Variants in RALGPS1 observed in about 807,000 individuals in gnomAD.
The protein encoded by RALGPS1 is Ral GEF with PH domain and SH3 binding motif 1, also known as ras-specific guanine nucleotide-releasing factor RalGPS1.
Under a neutral mutation model 78.8 loss-of-function variants are expected in RALGPS1, and 19 were observed. The observed-to-expected ratio is 0.24, with a 90% CI of 0.17 to 0.35. The LOEUF is 0.35. RALGPS1 is among the 10% of genes least tolerant of loss of function. The pLI is 1.00. For missense variants in RALGPS1, 454 were observed against 688.3 expected (o/e 0.66, Z 3.81); for synonymous variants, 228 against 256.3 (o/e 0.89, Z 1.06).
chr9:127,185,372 T>A (rs1402546385), intron 11 of RALGPS1, among the ~76,000 whole-genome samples: 1 of 152,232 alleles, frequency 6.6e-6, no homozygotes, highest in African/African-American at 2.4e-5. Context: ...CTGGAGCTCT[T>A]GCACCCACCT....
intron 1 of RALGPS1, among the ~76,000 whole-genome samples, chr9:126,961,265 G>A (rs1322223940): frequency 1.3e-5 from 2 of 152,248 alleles, no homozygotes; most frequent in East Asian, 1.9e-4. Flanking sequence ...TGGCAGGGTG[G>A]CATGAACAAA....
At chr9:127,030,669 C>T (rs552112505) in intron 4 of RALGPS1, among the ~76,000 whole-genome samples, 5 of 151,498 alleles carry the variant, frequency 3.3e-5, no homozygotes, top group African/African-American at 1.2e-4. Context: ...ATGGGAGAAG[C>T]TTAATGCATG....
chr9:127,132,218 G>A (rs1338444510), intron 8 of RALGPS1, among the ~76,000 whole-genome samples: 2 of 152,150 alleles, frequency 1.3e-5, no homozygotes, highest in African/African-American at 4.8e-5. Context: ...GGAAAATGTA[G>A]CATTTAAGCC....
Position 127,212,223 on chromosome 9 carries a change from G to T in RALGPS1, c.1340G>T (p.Gly447Val). Residue 447 changes from glycine (G) to valine (V), a missense_variant, in exon 15 of 19, where the codon GGG becomes GTG. Transcript: ENST00000259351. This position sits in a 1 kb window ranked among gnomAD's most constrained non-coding sequence, Gnocchi z 6.0. Reference sequence around the variant, plus strand: ...AGAAGAAAAACCCTGCTCAAGGAAGGGCGGAAGCCTGCGGTAAGTACAGAC... The same window carrying T: ...AGAAGAAAAACCCTGCTCAAGGAAGTGCGGAAGCCTGCGGTAAGTACAGAC... ...PLRRKTLLKEGRKPALSSWTR... is the reference protein window; with the variant it reads ...PLRRKTLLKEVRKPALSSWTR... 1 of 1,613,316 alleles carries T rather than the reference G, an allele frequency of 6.2e-7. No homozygotes were observed. Among genetic ancestry groups the T allele is most frequent in the South Asian group, 1.1e-5 (1 of 91,008 alleles).
chr9:126,984,640 T>C lies in RALGPS1; in HGVS notation c.216+6895T>C, dbSNP rs73668460. ...ACGTCCTGTGTGTTTCAGTCAGTTA[T>C]AGTCACCATTCTTTTTGATATACAA... On this transcript the variant is annotated intron_variant, in intron 4 of 18. Coordinates refer to ENST00000259351, the MANE Select transcript of RALGPS1 (RefSeq NM_014636.3). 9.7e-4 allele frequency among the ~76,000 whole-genome samples: 148 copies of C among 152,366 alleles called. 2 individuals carry two copies. Among genetic ancestry groups the C allele is most frequent in the African/African-American group, 3.5e-3 (146 of 41,588 alleles).
intron 7 of RALGPS1, among the ~76,000 whole-genome samples, chr9:127,063,018 A>G (rs946178987): frequency 1.3e-5 from 2 of 152,238 alleles, no homozygotes; most frequent in African/African-American, 4.8e-5. Flanking sequence ...AGACACTGGA[A>G]TTGAAATGGA....
chr9:127,108,139 G>A lies in RALGPS1; in HGVS notation c.610+38783G>A, dbSNP rs367678181. The A allele has an allele frequency of 1.6e-5, 26 of 1,613,938 alleles. No individual in the cohort carries two copies. In the Admixed American group the frequency reaches 1.7e-4, roughly 10 times the overall value. The stretch of plus-strand genomic sequence containing the variant: ...CCTCTGGCAGTGCTCCTCAAGCTGC[G>A]CGATGATCTCTGATTGGTTGTGGGC... On this transcript the variant is annotated intron_variant, in intron 8 of 18. Coordinates refer to ENST00000259351, the MANE Select transcript of RALGPS1 (RefSeq NM_014636.3).
At chr9:126,916,735 C>T (rs1424527356) in intron 1 of RALGPS1, among the ~76,000 whole-genome samples, 2 of 152,100 alleles carry the variant, frequency 1.3e-5, no homozygotes, top group East Asian at 1.9e-4. Context: ...GAGCCGAGAT[C>T]GTGCCACTGC....
intron 4 of RALGPS1, among the ~76,000 whole-genome samples, chr9:127,012,761 T>C (rs1328350458): frequency 6.6e-6 from 1 of 152,200 alleles, no homozygotes. Flanking sequence ...TTCTTCCAAA[T>C]GATCTTCATG....
chr9:127,141,528 G>A (rs574060033), intron 8 of RALGPS1, among the ~76,000 whole-genome samples: 1 of 150,792 alleles, frequency 6.6e-6, no homozygotes, highest in African/African-American at 2.5e-5. Context: ...CAGGCCAGTG[G>A]GTCCCAGACT....
In RALGPS1 at chr9:127,146,514, G is replaced by A. The variant is rs992463770; in HGVS notation, c.611-19555G>A. ...CCATGTTTTTGCTATTGTGAATAGC[G>A]CAGTGATGAACATGTGAGTGCATGT... On this transcript the variant is annotated intron_variant, in intron 8 of 18. Transcript: ENST00000259351. 2.7e-5 allele frequency among the ~76,000 whole-genome samples: 4 copies of A among 149,892 alleles called. No homozygotes were observed. The East Asian group carries it at 5.8e-4, about 22-fold the overall frequency.
chr9:127,088,900 C>A, intron 8 of RALGPS1: 1 of 1,613,270 alleles, frequency 6.2e-7, no homozygotes, highest in South Asian at 1.1e-5. Flanking sequence ...AGGGTGGGCT[C>A]CTGGCAATGG....
intron 6 of RALGPS1, among the ~76,000 whole-genome samples, chr9:127,051,384 C>A (rs950679074): frequency 3.3e-5 from 5 of 152,170 alleles, no homozygotes; most frequent in African/African-American, 9.7e-5. Flanking sequence ...CTGGGTCTTT[C>A]CTTGTGCAAG....
intron 7 of RALGPS1, among the ~76,000 whole-genome samples, chr9:127,053,449 T>A (rs2048462281): frequency 6.6e-6 from 1 of 152,218 alleles, no homozygotes; most frequent in Admixed American, 6.5e-5. Context: ...ATTGAGTCTG[T>A]AGGAAAGTTT....
intron 14 of RALGPS1, among the ~76,000 whole-genome samples, chr9:127,206,372 G>T (rs1487120738): frequency 1.3e-5 from 2 of 152,228 alleles, no homozygotes; most frequent in African/African-American, 2.4e-5. Context: ...CATGGCTGGA[G>T]AGGCCTCAGG....
intron 1 of RALGPS1, among the ~76,000 whole-genome samples, chr9:126,935,380 A>G (rs958190728): frequency 2.0e-5 from 3 of 152,208 alleles, no homozygotes; most frequent in Non-Finnish European, 4.4e-5. Context: ...GTCTTGAGCT[A>G]ACCAGAGAAT....
intron 1 of RALGPS1, among the ~76,000 whole-genome samples, chr9:126,953,378 T>TGC (rs1405531007): frequency 6.6e-6 from 1 of 151,662 alleles, no homozygotes; most frequent in East Asian, 1.9e-4. Context: ...TGCATGCGTG[T>TGC]GTGTGTGTGT....
At chr9:127,001,072 T>G (rs1424044395) in intron 4 of RALGPS1, among the ~76,000 whole-genome samples, 1 of 149,382 alleles carries the variant, frequency 6.7e-6, no homozygotes, top group Non-Finnish European at 1.5e-5. Context: ...CCTAACATAG[T>G]GAGACTCTGT....
At chr9:127,137,506 A>C (rs2138510436) in intron 8 of RALGPS1, among the ~76,000 whole-genome samples, 1 of 152,344 alleles carries the variant, frequency 6.6e-6, no homozygotes, top group South Asian at 2.1e-4. Context: ...GCAGGCCGCC[A>C]GCTCTACCCC....
Sources: gnomAD v4.1 joint callset for allele counts (sites outside exome capture counted in the v4.1 genomes callset) on GRCh38, gnomAD v4.1.1 for gene constraint, Gnocchi (gnomAD v3.1) non-coding constraint, MANE v1.5 for transcripts, NCBI Gene and HGNC (gene_info 2026-07-23, HGNC 2026-07-21) for gene names.